Variants in GPC5 observed in about 807,000 individuals in gnomAD.
GPC5 encodes the protein glypican-5.
Under a neutral mutation model 53.9 loss-of-function variants are expected in GPC5, and 47 were observed. The observed-to-expected ratio is 0.87, with a 90% CI of 0.69 to 1.11. The LOEUF is 1.11. GPC5 is among the 50% of genes most tolerant of loss of function. The pLI is 0.00. For synonymous variants in GPC5, 286 were observed against 263.3 expected, an observed-to-expected ratio of 1.09 and a Z score of -0.84; for missense variants, 748 against 713.1, an observed-to-expected ratio of 1.05 and a Z score of -0.56.
At chr13:91,428,455 G>A (rs1029346130) in intron 1 of GPC5, among the ~76,000 whole-genome samples, 2 of 152,172 alleles carry the variant, frequency 1.3e-5, no homozygotes, top group African/African-American at 2.4e-5. Flanking sequence ...AACCAATCAG[G>A]AACTGAGGCT....
intron 5 of GPC5, among the ~76,000 whole-genome samples, chr13:91,777,460 A>G (rs1206453724): frequency 6.6e-6 from 1 of 152,184 alleles, no homozygotes; most frequent in East Asian, 1.9e-4. Flanking sequence ...AGTCACCTGA[A>G]CATGTAAATC....
intron 6 of GPC5, among the ~76,000 whole-genome samples, chr13:92,041,123 A>T (rs1360342257): frequency 1.3e-5 from 2 of 152,216 alleles, no homozygotes; most frequent in Admixed American, 6.5e-5. Context: ...AAGTGCTGAG[A>T]TTACAGGCAT....
chr13:92,545,844 CA>C, intron 7 of GPC5, among the ~76,000 whole-genome samples: 3 of 152,204 alleles, frequency 2.0e-5, no homozygotes, highest in Middle Eastern at 6.8e-3. Flanking sequence ...GAGTAGGTTG[CA>C]AAAATTTTCT....
intron 6 of GPC5, among the ~76,000 whole-genome samples, chr13:91,943,835 C>T (rs1438430769): frequency 6.6e-6 from 1 of 151,886 alleles, no homozygotes; most frequent in African/African-American, 2.4e-5. Context: ...TCTAAATCTG[C>T]ATTCCTTCTT....
At chr13:92,094,931 C>CT (rs2041410412) in intron 6 of GPC5, among the ~76,000 whole-genome samples, 1 of 151,922 alleles carries the variant, frequency 6.6e-6, no homozygotes, top group South Asian at 2.1e-4. Context: ...TTGGCTTGTC[C>CT]TTTTTATTCC....
chr13:91,698,156 C>A (rs970051911), intron 3 of GPC5, among the ~76,000 whole-genome samples: 1 of 151,984 alleles, frequency 6.6e-6, no homozygotes, highest in African/African-American at 2.4e-5. Context: ...CCATCTTGGC[C>A]TCCCAAGGTC....
chr13:92,551,963 G>A (rs1882332755), intron 7 of GPC5, among the ~76,000 whole-genome samples: 1 of 151,842 alleles, frequency 6.6e-6, no homozygotes, highest in South Asian at 2.1e-4. Context: ...ATACTAATAT[G>A]CATTAATTTA....
At chr13:91,541,220 T>C (rs2029907711) in intron 2 of GPC5, among the ~76,000 whole-genome samples, 2 of 152,192 alleles carry the variant, frequency 1.3e-5, no homozygotes, top group Non-Finnish European at 2.9e-5. Context: ...ATATTTTTGC[T>C]ACATATTTTT....
chr13:92,141,233 C>T (rs374879031), intron 6 of GPC5, among the ~76,000 whole-genome samples: 27 of 151,858 alleles, frequency 1.8e-4, no homozygotes, highest in African/African-American at 6.3e-4. Context: ...AATTGAAAAG[C>T]GAGAAAATGA....
At chr13:91,518,426 T>A (rs1885626659) in intron 2 of GPC5, among the ~76,000 whole-genome samples, 1 of 152,194 alleles carries the variant, frequency 6.6e-6, no homozygotes, top group Non-Finnish European at 1.5e-5. Flanking sequence ...TGACAATTCG[T>A]ATTTAAATAA....
intron 5 of GPC5, among the ~76,000 whole-genome samples, chr13:91,896,074 C>T (rs1053881150): frequency 6.6e-6 from 1 of 151,768 alleles, no homozygotes; most frequent in Admixed American, 6.6e-5. Context: ...TTAGGGCCTG[C>T]CCAGATAATC....
chr13:91,502,372 GT>G (rs200904077), intron 2 of GPC5, among the ~76,000 whole-genome samples: 1 of 152,020 alleles, frequency 6.6e-6, no homozygotes, highest in East Asian at 1.9e-4. Context: ...GGTTTTTATG[GT>G]TTTAGGTCTA....
chr13:92,565,641 TG>T (rs1882840111), intron 7 of GPC5, among the ~76,000 whole-genome samples: 1 of 152,112 alleles, frequency 6.6e-6, no homozygotes, highest in Non-Finnish European at 1.5e-5. Context: ...GGAAGAAACT[TG>T]GTTAGAGCAC....
At chr13:92,025,022 C>A (rs1233395001) in intron 6 of GPC5, among the ~76,000 whole-genome samples, 1 of 152,060 alleles carries the variant, frequency 6.6e-6, no homozygotes, top group East Asian at 1.9e-4. Context: ...TAAAATGAAA[C>A]CTTCAGTGGC....
chr13:92,257,511 C>T (rs78355899), intron 7 of GPC5, among the ~76,000 whole-genome samples: 3,617 of 142,440 alleles, frequency 0.025, 168 homozygotes, highest in African/African-American at 0.091. Context: ...GTAGTTATAA[C>T]CTTTCAGCTA....
chr13:92,062,629 T>A (rs765074123), intron 6 of GPC5, among the ~76,000 whole-genome samples: 4 of 152,002 alleles, frequency 2.6e-5, no homozygotes, highest in Non-Finnish European at 5.9e-5. Context: ...TGGCAGTAAA[T>A]GTGTGGGTGA....
At chr13:92,491,806 A>G (rs1279298406) in intron 7 of GPC5, among the ~76,000 whole-genome samples, 1 of 152,180 alleles carries the variant, frequency 6.6e-6, no homozygotes, top group Non-Finnish European at 1.5e-5. Context: ...AATTCTGACT[A>G]GAAAACCAAA....
At chr13:92,043,447 A>G (rs2040957556) in intron 6 of GPC5, among the ~76,000 whole-genome samples, 1 of 152,146 alleles carries the variant, frequency 6.6e-6, no homozygotes, top group Admixed American at 6.5e-5. Flanking sequence ...TACAAGAGTG[A>G]TTGTAATGGG....
chr13:92,159,000 G>T (rs979462079), intron 7 of GPC5, among the ~76,000 whole-genome samples: 1 of 152,062 alleles, frequency 6.6e-6, no homozygotes, highest in African/African-American at 2.4e-5. Flanking sequence ...TGAGTGTGGT[G>T]CTCACATGTT....
Sources: gnomAD v4.1 joint callset for allele counts (sites outside exome capture counted in the v4.1 genomes callset) on GRCh38, gnomAD v4.1.1 for gene constraint, MANE v1.5 for transcripts, NCBI Gene and HGNC (gene_info 2026-07-23, HGNC 2026-07-21) for gene names.